Variants in GLB1 observed in about 807,000 individuals in gnomAD.
GLB1 encodes galactosidase beta 1.
In GLB1, 56 loss-of-function variants were observed where a neutral mutation model predicts 74.0. The observed-to-expected ratio is 0.76, with a 90% CI of 0.61 to 0.94. The LOEUF (loss-of-function observed/expected upper bound fraction) is 0.94. Among genes scored for constraint, GLB1 ranks in the 40% least tolerant of loss-of-function variants. GLB1 has a pLI of 0.00. For synonymous variants in GLB1, 323 were observed against 323.6 expected, an observed-to-expected ratio of 1.00 and a Z score of 0.02; for missense variants, 787 against 845.5, an observed-to-expected ratio of 0.93 and a Z score of 0.86.
chr3:33,065,315 T>C (rs1356519569), intron 5 of GLB1, 148 bp downstream of exon 5: 1 of 1,106,616 alleles, frequency 9.0e-7, no homozygotes, highest in Non-Finnish European at 1.3e-6. Context: ...CCTTCCCAAA[T>C]GCAATTGAAC....
intron 1 of GLB1, among the ~76,000 whole-genome samples, chr3:33,084,338 G>A (rs1183328838): frequency 6.6e-6 from 1 of 152,162 alleles, no homozygotes; most frequent in Non-Finnish European, 1.5e-5. Flanking sequence ...AGGTGACTAT[G>A]GGTCAAACCC....
intron 15 of GLB1, among the ~76,000 whole-genome samples, chr3:33,001,286 A>T (rs1201700868): frequency 6.6e-6 from 1 of 151,260 alleles, no homozygotes; most frequent in African/African-American, 2.4e-5. Context: ...TGCTATTCAC[A>T]GGCACAATAC....
At chr3:32,994,793 C>T (rs373562509), downstream of GLB1, among the ~76,000 whole-genome samples, 4 of 152,094 alleles carry the variant, frequency 2.6e-5, no homozygotes, top group East Asian at 3.9e-4. Flanking sequence ...TGGTGATGCA[C>T]GCCTGTAATC....
chr3:33,091,561 A>G (rs1700762447), intron 1 of GLB1: 2 of 985,384 alleles, frequency 2.0e-6, no homozygotes, highest in African/African-American at 3.5e-5. Context: ...TTGAGTGTTT[A>G]CTGTGCACGC....
chr3:33,074,967 C>A (rs1225292731), intron 1 of GLB1, among the ~76,000 whole-genome samples: 1 of 152,202 alleles, frequency 6.6e-6, no homozygotes, highest in Non-Finnish European at 1.5e-5. Flanking sequence ...AAGTGAATTA[C>A]ATCTCAATAA....
At chr3:33,020,788 T>C (rs1697436586) in intron 12 of GLB1, among the ~76,000 whole-genome samples, 1 of 152,224 alleles carries the variant, frequency 6.6e-6, no homozygotes, top group African/African-American at 2.4e-5. Context: ...GTGTGATCAT[T>C]GTATTGTGGT....
chr3:33,000,523 T>G (rs1696513548), intron 15 of GLB1, among the ~76,000 whole-genome samples: 1 of 152,110 alleles, frequency 6.6e-6, no homozygotes, highest in Non-Finnish European at 1.5e-5. Flanking sequence ...GGTCAGGAGT[T>G]CGAGACCAGC....
chr3:32,963,633 A>G, the GLB1 span, among the ~76,000 whole-genome samples: 7 of 88,680 alleles, frequency 7.9e-5, no homozygotes, highest in East Asian at 1.9e-3. Flanking sequence ...TAAGTAAATT[A>G]ACATATACTA....
At chr3:33,023,078 T>A (rs527828901) in intron 11 of GLB1, among the ~76,000 whole-genome samples, 1 of 152,370 alleles carries the variant, frequency 6.6e-6, no homozygotes, top group Non-Finnish European at 1.5e-5. Context: ...TCTTCAACTG[T>A]ATATATTTAT....
chr3:32,998,124 C>T (rs1272291535), intron 15 of GLB1, among the ~76,000 whole-genome samples: 2 of 152,148 alleles, frequency 1.3e-5, no homozygotes, highest in African/African-American at 4.8e-5. Flanking sequence ...AAGCTGCTTC[C>T]CATAACAAAA....
chr3:33,043,844 GAAAA>G (rs376478014), intron 10 of GLB1, among the ~76,000 whole-genome samples: 1 of 104,982 alleles, frequency 9.5e-6, no homozygotes, highest in African/African-American at 3.8e-5. Context: ...ACCAAAAAAA[GAAAA>G]AAAAAAAAAA....
At chr3:33,021,970 C>A (rs940293843) in intron 11 of GLB1, among the ~76,000 whole-genome samples, 2 of 152,160 alleles carry the variant, frequency 1.3e-5, no homozygotes, top group Non-Finnish European at 2.9e-5. Flanking sequence ...GATGCTGCCT[C>A]CTTATAAACC....
At chr3:33,080,614 T>G (rs1380663328) in intron 1 of GLB1, among the ~76,000 whole-genome samples, 3 of 152,200 alleles carry the variant, frequency 2.0e-5, no homozygotes, top group Non-Finnish European at 4.4e-5. Context: ...GAGAACTGCA[T>G]TCTCTTGTTT....
At chr3:32,963,743 A>T in the GLB1 span, among the ~76,000 whole-genome samples, 1 of 152,376 alleles carries the variant, frequency 6.6e-6, no homozygotes, top group East Asian at 1.9e-4. Flanking sequence ...ACCTGTAAGT[A>T]TAAACCCCAA....
intron 5 of GLB1, among the ~76,000 whole-genome samples, chr3:33,060,060 C>T (rs1257965904): frequency 1.3e-5 from 2 of 152,134 alleles, no homozygotes; most frequent in Admixed American, 6.5e-5. Context: ...TTTGACATCA[C>T]CAACAGCTCA....
At chr3:33,017,497 C>G (rs757047214) in intron 13 of GLB1, among the ~76,000 whole-genome samples, 3 of 152,144 alleles carry the variant, frequency 2.0e-5, no homozygotes, top group Non-Finnish European at 4.4e-5. Context: ...AATCTGCTCC[C>G]ACTGAAATGA....
chr3:32,978,761 C>CTT, the GLB1 span, among the ~76,000 whole-genome samples: 64 of 84,532 alleles, frequency 7.6e-4, no homozygotes, highest in East Asian at 9.2e-3. Flanking sequence ...TTCTTTCTTT[C>CTT]TTTCTTTTTT....
intron 1 of GLB1, chr3:33,092,117 C>A: frequency 1.0e-6 from 1 of 985,548 alleles, no homozygotes; most frequent in Non-Finnish European, 1.2e-6. Flanking sequence ...TCCTAAGCAG[C>A]CATGTTCTCA....
At chr3:33,076,508 G>A (rs185777431) in intron 1 of GLB1, among the ~76,000 whole-genome samples, 1 of 151,940 alleles carries the variant, frequency 6.6e-6, no homozygotes, top group Non-Finnish European at 1.5e-5. Flanking sequence ...GAAGAGATGT[G>A]GCTATGGCCC....
Sources: gnomAD v4.1 joint callset for allele counts (sites outside exome capture counted in the v4.1 genomes callset) on GRCh38, gnomAD v4.1.1 for gene constraint, MANE v1.5 for transcripts, NCBI Gene and HGNC (gene_info 2026-07-23, HGNC 2026-07-21) for gene names.